Variants in ZBTB11 observed in about 807,000 individuals in gnomAD.
ZBTB11 encodes zinc finger and BTB domain containing 11, also known as zinc finger and BTB domain-containing protein 11.
In ZBTB11, 68 loss-of-function variants were observed where a neutral mutation model predicts 113.1. The ratio of observed to expected loss-of-function variants is 0.60; its 90% CI spans 0.49 to 0.74. ZBTB11 has a LOEUF of 0.74. Ranked by LOEUF, ZBTB11 falls within the 30% of genes least tolerant of loss-of-function variation. ZBTB11 has a pLI of 0.00. For synonymous variants in ZBTB11, 518 were observed against 452.6 expected, an observed-to-expected ratio of 1.14 and a Z score of -1.83; for missense variants, 1,104 against 1,279.4, an observed-to-expected ratio of 0.86 and a Z score of 2.09.
intron 3 of ZBTB11, among the ~76,000 whole-genome samples, chr3:101,666,874 C>T (rs1025867391): frequency 5.3e-5 from 8 of 152,022 alleles, no homozygotes; most frequent in African/African-American, 7.3e-5. Context: ...TCTCAGCCTC[C>T]GGAGTAGGTG....
At chr3:101,660,161 T>C (rs1576646584) in intron 5 of ZBTB11, 133 bp from the exon 6 acceptor site, 1 of 865,486 alleles carries the variant, frequency 1.2e-6, no homozygotes, top group South Asian at 1.8e-5. Flanking sequence ...AAACAATAGG[T>C]ACTAGATTGT....
intron 5 of ZBTB11, among the ~76,000 whole-genome samples, chr3:101,662,970 C>T (rs1229701267): frequency 7.3e-5 from 11 of 149,786 alleles, no homozygotes; most frequent in East Asian, 3.9e-4. Context: ...GACGGAGTCT[C>T]GCTCTGTTGC....
intron 6 of ZBTB11, among the ~76,000 whole-genome samples, chr3:101,657,652 C>T (rs1170324603): frequency 6.6e-6 from 1 of 151,860 alleles, no homozygotes; most frequent in African/African-American, 2.4e-5. Flanking sequence ...CCATTCTCTT[C>T]TAAAATAATA....
Position 101,652,885 on chromosome 3 carries a change from T to C in ZBTB11, c.2363A>G (p.His788Arg), listed in dbSNP as rs761913276. 1 of 1,613,978 alleles carries C rather than the reference T, an allele frequency of 6.2e-7. No homozygotes were observed. The highest frequency in any genetic ancestry group is 1.1e-5 in the South Asian group (1 of 91,062). Residue 788 changes from histidine (H) to arginine (R), a missense_variant, in exon 9 of 11, where the codon CAT becomes CGT. By Grantham distance (29) the His-to-Arg change is conservative (BLOSUM62 0). Coordinates refer to ENST00000312938, the MANE Select transcript of ZBTB11 (RefSeq NM_014415.4). Reference protein sequence around the residue: ...ARDLRQHMNKHLGVKPFQCQF... With the variant: ...ARDLRQHMNKRLGVKPFQCQF... The stretch of plus-strand genomic sequence containing the variant: ...GCACTGGAATGGCTTCACACCAAGA[T>C]GTTTGTTCATGTGCTGGCGAAGATC...
At chr3:101,676,229 C>T (rs1937167063) in intron 1 of ZBTB11, among the ~76,000 whole-genome samples, 2 of 152,016 alleles carry the variant, frequency 1.3e-5, no homozygotes. Flanking sequence ...CGAAAACGTG[C>T]ACCCCGCAGC....
chr3:101,651,163 T>TAC lies in ZBTB11; in HGVS notation c.*1_*2dup. The TAC allele has an allele frequency of 6.4e-7, 1 of 1,567,256 alleles. No homozygotes were observed. Among genetic ancestry groups the TAC allele is most frequent in the Non-Finnish European group, 8.6e-7 (1 of 1,159,380 alleles). ...TCACTTCTTTTTATCTTCATTAACA[T>TAC]ACTCATTCTCCTCCTGAAATATGTG... is the stretch of plus-strand genomic sequence containing the variant. On this transcript the variant is annotated 3_prime_UTR_variant, in exon 11 of 11. Coordinates refer to ENST00000312938, the MANE Select transcript of ZBTB11 (RefSeq NM_014415.4).
At chr3:101,672,657 C>T (rs1212035221) in intron 1 of ZBTB11, among the ~76,000 whole-genome samples, 1 of 152,236 alleles carries the variant, frequency 6.6e-6, no homozygotes, top group Non-Finnish European at 1.5e-5. Flanking sequence ...GCGGAGGTTG[C>T]AGTGAGCTGA....
In ZBTB11 at chr3:101,656,118, A is replaced by G. The variant is rs149242210; in HGVS notation, c.2177T>C (p.Met726Thr). ...FVTKRSLQEH[M>T]SIHTGESKYL... ...TTTCTCATTACCTGTGTGAATACTC[A>G]TATGTTCTTGAAGACTCCGTTTGGT... Residue 726 changes from methionine to threonine, a missense_variant, in exon 7 of 11, where the codon ATG (methionine) becomes ACG (threonine). This residue lies in a region of ZBTB11 where 535 missense variants were observed against 518.6 expected (regional missense o/e 1.03). Coordinates refer to ENST00000312938, the MANE Select transcript of ZBTB11 (RefSeq NM_014415.4). 10 of 1,579,152 alleles carry G rather than the reference A, an allele frequency of 6.3e-6. No homozygotes were observed. The East Asian group carries it at 7.0e-5, about 11-fold the overall frequency.
intron 2 of ZBTB11, 51 bp downstream of exon 2, chr3:101,671,927 T>C (rs1269051206): frequency 2.1e-6 from 3 of 1,405,686 alleles, no homozygotes; most frequent in Admixed American, 1.7e-5. Flanking sequence ...AGGCTGCAAA[T>C]ACTAGTACAC....
Position 101,651,293 on chromosome 3 carries a change from G to C in ZBTB11, c.3035C>G (p.Ser1012Cys). The C allele has an allele frequency of 1.2e-6, 2 of 1,614,182 alleles. No homozygotes were observed. The highest frequency in any genetic ancestry group is 1.7e-6 in the Non-Finnish European group (2 of 1,180,036). Reference sequence around the variant, plus strand: ...AACCACTTGCATAATACTTTGGTCAGAAAGTGTAGATACCGATGGATACTC... The same window carrying C: ...AACCACTTGCATAATACTTTGGTCACAAAGTGTAGATACCGATGGATACTC... ...TEEYPSVSTL[S>C]DQSIMQVVNY... Residue 1012 changes from serine (S) to cysteine (C), a missense_variant, in exon 11 of 11, where the codon TCT (serine) becomes TGT (cysteine). Transcript: ENST00000312938.
chr3:101,676,541 G>GC, intron 1 of ZBTB11, 64 bp downstream of exon 1: 1 of 1,417,058 alleles, frequency 7.1e-7, no homozygotes, highest in South Asian at 1.5e-5. Context: ...CATAGGCCTC[G>GC]CCAGCGAGCC....
intron 3 of ZBTB11, among the ~76,000 whole-genome samples, chr3:101,668,185 GGTTATTA>G (rs1937026702): frequency 6.6e-6 from 1 of 151,886 alleles, no homozygotes; most frequent in African/African-American, 2.4e-5. Flanking sequence ...GAAGAGCTAT[GGTTATTA>G]GAAGATGGGC....
rs1381393832 is a variant in ZBTB11 at position 101,672,227 on chromosome 3, A to G, written c.311-14T>C. ...GCTTCAATATACCTACAATGAAAAT[A>G]TTAACAAGTCAAATTTAATACTGTT... On this transcript the variant is annotated splice_polypyrimidine_tract_variant and intron_variant, in intron 1 of 10. Coordinates refer to ENST00000312938, the MANE Select transcript of ZBTB11 (RefSeq NM_014415.4). The G allele has an allele frequency of 7.7e-6, 12 of 1,555,510 alleles. No homozygotes were observed. The highest frequency in any genetic ancestry group is 1.9e-5 in the Admixed American group (1 of 54,010).
At chr3:101,658,024 A>C (rs1390885243) in intron 6 of ZBTB11, among the ~76,000 whole-genome samples, 1 of 152,186 alleles carries the variant, frequency 6.6e-6, no homozygotes, top group Non-Finnish European at 1.5e-5. Flanking sequence ...TATGAAAAAG[A>C]TACTTGCACA....
chr3:101,667,557 C>T (rs1038216254), intron 3 of ZBTB11, among the ~76,000 whole-genome samples: 1 of 152,130 alleles, frequency 6.6e-6, no homozygotes, highest in East Asian at 1.9e-4. Context: ...TACAGAGAAG[C>T]CTTAAACTTG....
At chr3:101,664,444 A>G in intron 5 of ZBTB11, 94 bp downstream of exon 5, 1 of 1,258,912 alleles carries the variant, frequency 7.9e-7, no homozygotes, top group Non-Finnish European at 1.1e-6. Flanking sequence ...GCCATATAAG[A>G]CATAGAATAC....
chr3:101,662,942 CTT>C (rs1180624432), intron 5 of ZBTB11, among the ~76,000 whole-genome samples: 23 of 139,334 alleles, frequency 1.7e-4, no homozygotes, highest in Admixed American at 2.9e-4. Flanking sequence ...TTTTGTATTT[CTT>C]TTTTTTTTTT....
At position 101,665,125 on chromosome 3, in the gene ZBTB11, C is replaced by T. The variant is rs1936967594; in HGVS notation, c.1462G>A (p.Val488Ile). The change falls in exon 4 of 11, where the codon GTT becomes ATT. Residue 488 changes from valine (V) to isoleucine (I), a missense_variant. Val to Ile is a conservative substitution (Grantham distance 29). Coordinates refer to ENST00000312938, the MANE Select transcript of ZBTB11 (RefSeq NM_014415.4). ...DQPLKDQENL[V>I]ASTAKTDFGP... Reference sequence around the variant, plus strand: ...AAGTCTGTCTTTGCTGTTGATGCAACTAGATTTTCCTGATCTTTTAAAGGT... The same window carrying T: ...AAGTCTGTCTTTGCTGTTGATGCAATTAGATTTTCCTGATCTTTTAAAGGT... The T allele has an allele frequency of 6.2e-7, 1 of 1,614,160 alleles. No homozygotes were observed. Among genetic ancestry groups the T allele is most frequent in the Non-Finnish European group, 8.5e-7 (1 of 1,180,034 alleles).
chr3:101,666,269 G>C (rs1380370313), intron 3 of ZBTB11, among the ~76,000 whole-genome samples: 1 of 152,122 alleles, frequency 6.6e-6, no homozygotes, highest in Admixed American at 6.6e-5. Flanking sequence ...AGTATTCTAT[G>C]ACTAAAAGTA....
Sources: allele counts gnomAD v4.1 joint callset (sites outside exome capture counted in the v4.1 genomes callset), GRCh38; gene constraint gnomAD v4.1.1; regional missense constraint gnomAD v4.1.1; transcripts MANE v1.5; gene names NCBI Gene and HGNC (gene_info 2026-07-23, HGNC 2026-07-21).